Variants in CUX1 observed in about 807,000 individuals in gnomAD.
CUX1 encodes the protein protein CASP.
A neutral mutation model predicts 158.8 loss-of-function variants in CUX1; 31 were observed. The ratio of observed to expected loss-of-function variants is 0.20; its 90% CI spans 0.15 to 0.26. The LOEUF (loss-of-function observed/expected upper bound fraction) is 0.26. CUX1 is among the 10% of genes least tolerant of loss of function. The probability of loss-of-function intolerance (pLI) is 1.00; values close to 1 mark genes in which losing one functional copy is unlikely to be tolerated. For synonymous variants in CUX1, 879 were observed against 862.1 expected (o/e 1.02, Z -0.34); for missense variants, 1,589 against 2,014.6 (o/e 0.79, Z 4.04).
upstream of CUX1, chr7:101,817,159 T>G: frequency 1.0e-6 from 1 of 983,568 alleles, no homozygotes; most frequent in South Asian, 4.7e-5. The surrounding 1 kb of genome is among the most constrained non-coding windows in gnomAD (Gnocchi z 4.1). Context: ...GCTGCAACTT[T>G]CCCCTAGGCA....
At chr7:101,986,349 T>A (rs10953355) in intron 2 of CUX1, among the ~76,000 whole-genome samples, 6 of 152,160 alleles carry the variant, frequency 3.9e-5, no homozygotes, top group Admixed American at 3.9e-4. Context: ...TTTCAAGATA[T>A]GTATTTATTT....
At chr7:102,010,132 T>C (rs1007891575) in intron 2 of CUX1, among the ~76,000 whole-genome samples, 16 of 152,008 alleles carry the variant, frequency 1.1e-4, no homozygotes, top group African/African-American at 3.6e-4. Context: ...CGGTGGCTCA[T>C]GCCTGTAATC....
chr7:102,066,498 A>G (rs1825563135), intron 3 of CUX1, among the ~76,000 whole-genome samples: 2 of 152,156 alleles, frequency 1.3e-5, no homozygotes, highest in Admixed American at 6.5e-5. Flanking sequence ...GGAATAACCC[A>G]AACAGGAGAC....
At chr7:102,172,515 G>A (rs930586404) in intron 10 of CUX1, among the ~76,000 whole-genome samples, 1 of 152,150 alleles carries the variant, frequency 6.6e-6, no homozygotes, top group Non-Finnish European at 1.5e-5. Context: ...CTCCCAAAGT[G>A]CTGAGATTAC....
At chr7:102,192,691 G>A (rs547680618) in intron 12 of CUX1, among the ~76,000 whole-genome samples, 23 of 152,268 alleles carry the variant, frequency 1.5e-4, no homozygotes, top group South Asian at 1.5e-3. Context: ...GACAGAGGCC[G>A]AAATTGTGGC....
At chr7:102,176,225 T>C (rs555575363) in intron 10 of CUX1, among the ~76,000 whole-genome samples, 1 of 152,366 alleles carries the variant, frequency 6.6e-6, no homozygotes, top group Admixed American at 6.5e-5. Context: ...TAAAACATTA[T>C]TTCCCTGAGT....
intron 21 of CUX1, among the ~76,000 whole-genome samples, chr7:102,228,322 G>A: frequency 6.6e-6 from 1 of 152,188 alleles, no homozygotes; most frequent in Non-Finnish European, 1.5e-5. Flanking sequence ...GCCACAGTCT[G>A]AGACCAGCCT....
In CUX1 at chr7:102,229,266, A is replaced by G. The variant is rs559792891; in HGVS notation, c.3433+1597A>G. 8.0e-4 allele frequency among the ~76,000 whole-genome samples: 120 copies of G among 150,336 alleles called. 2 individuals carry two copies. In the South Asian group the frequency reaches 0.025, roughly 32 times the overall value. On this transcript the variant is annotated intron_variant, in intron 21 of 23. Coordinates refer to ENST00000292535, the MANE Select transcript of CUX1 (RefSeq NM_181552.4). Reference sequence around the variant, plus strand: ...TCTGTGCTCTGTGTCACTGGTCATCAGCTGCTGTGGCTGTAAGAATGTTAC... The same window carrying G: ...TCTGTGCTCTGTGTCACTGGTCATCGGCTGCTGTGGCTGTAAGAATGTTAC...
At chr7:102,207,583 C>T (rs1284515031) in intron 20 of CUX1, among the ~76,000 whole-genome samples, 1 of 152,040 alleles carries the variant, frequency 6.6e-6, no homozygotes, top group African/African-American at 2.4e-5. Context: ...TCCTGAGTAG[C>T]TGGGAATACA....
Position 102,257,350 on chromosome 7 carries a change from C to G in CUX1, c.*8308C>G, listed in dbSNP as rs1235213769. On this transcript the variant is annotated 3_prime_UTR_variant, in exon 24 of 24. Transcript: ENST00000292535. ...CTCTAATTAGTCTATGCATTTCTCT[C>G]TCTCAAACCATCTTCTGCCTCTTCC... 2.4e-5 allele frequency: 24 copies of G among 983,740 alleles called. No individual in the cohort carries two copies. Among genetic ancestry groups the G allele is most frequent in the Non-Finnish European group, 2.9e-5 (24 of 829,620 alleles). The allele number at this position is 983,740 out of a possible 1,614,324, so 60.9% of individuals were successfully genotyped here.
intron 2 of CUX1, among the ~76,000 whole-genome samples, chr7:101,928,262 G>C (rs1223669147): frequency 6.6e-6 from 1 of 151,966 alleles, no homozygotes; most frequent in East Asian, 1.9e-4. Flanking sequence ...TAGGGATTCA[G>C]AACAACCCAG....
chr7:101,853,655 G>T (rs561362454), intron 1 of CUX1, among the ~76,000 whole-genome samples: 1 of 150,876 alleles, frequency 6.6e-6, no homozygotes, highest in African/African-American at 2.5e-5. Flanking sequence ...GGCCCCCACC[G>T]TAAGTAATTA....
At chr7:101,829,093 G>A (rs181263418) in intron 1 of CUX1, among the ~76,000 whole-genome samples, 1 of 152,292 alleles carries the variant, frequency 6.6e-6, no homozygotes, top group Non-Finnish European at 1.5e-5. Flanking sequence ...GGAGGATTTT[G>A]TTGGAGTGTT....
intron 4 of CUX1, among the ~76,000 whole-genome samples, chr7:102,071,455 G>A (rs1386999718): frequency 2.6e-5 from 4 of 152,088 alleles, no homozygotes; most frequent in African/African-American, 7.2e-5. Flanking sequence ...AACTATGTGG[G>A]GCCCAGCTCA....
intron 22 of CUX1, chr7:102,282,836 A>G (rs1792195019): frequency 2.7e-6 from 3 of 1,091,260 alleles, no homozygotes; most frequent in Non-Finnish European, 3.7e-6. Context: ...CACCCCCGCA[A>G]CACCCCCGAG....
intron 2 of CUX1, among the ~76,000 whole-genome samples, chr7:101,995,303 A>G (rs1253956695): frequency 2.0e-5 from 3 of 152,144 alleles, no homozygotes; most frequent in Non-Finnish European, 4.4e-5. Context: ...TCCAGAAAAC[A>G]TTCTCAGTAG....
At chr7:102,005,851 C>T (rs530907613) in intron 2 of CUX1, among the ~76,000 whole-genome samples, 10 of 152,240 alleles carry the variant, frequency 6.6e-5, no homozygotes, top group South Asian at 6.2e-4. Flanking sequence ...TAGGCCCTTT[C>T]GATGAAGTAA....
chr7:102,197,403 C>T (rs1794906063), intron 15 of CUX1, 98 bp downstream of exon 15: 2 of 1,349,964 alleles, frequency 1.5e-6, no homozygotes, highest in Non-Finnish European at 1.0e-6. Context: ...CGTGATGAAA[C>T]ATTTGTGCAT....
intron 3 of CUX1, among the ~76,000 whole-genome samples, chr7:102,036,329 A>G (rs1373279263): frequency 6.6e-6 from 1 of 152,172 alleles, no homozygotes; most frequent in East Asian, 1.9e-4. Context: ...ACAAATGGTA[A>G]ATAATAGTGA....
Sources: allele counts gnomAD v4.1 joint callset (sites outside exome capture counted in the v4.1 genomes callset), GRCh38; gene constraint gnomAD v4.1.1; non-coding constraint Gnocchi (gnomAD v3.1); transcripts MANE v1.5; gene names NCBI Gene and HGNC (gene_info 2026-07-23, HGNC 2026-07-21).